CPQ: variants seen among roughly 807,000 people sequenced by gnomAD.
CPQ encodes carboxypeptidase Q.
CPQ carries 37 observed loss-of-function variants against 45.7 expected under a neutral mutation model. The observed-to-expected ratio is 0.81, with a 90% CI of 0.62 to 1.07. CPQ has a LOEUF of 1.07. Ranked by LOEUF, CPQ falls within the 50% of genes least tolerant of loss-of-function variation. The pLI is 0.00. For missense variants in CPQ, 537 were observed against 572.9 expected, an observed-to-expected ratio of 0.94 and a Z score of 0.64; for synonymous variants, 186 against 205.8, an observed-to-expected ratio of 0.90 and a Z score of 0.82.
At position 96,737,327 on chromosome 8, in the gene CPQ, T is replaced by TAC. The variant is rs1191687148; in HGVS notation, c.-34-47530_-34-47529dup. On this transcript the variant is annotated intron_variant, in intron 1 of 7. Transcript: ENST00000220763. ...CTAATAGGATATATATATATATATA[T>TAC]ACACACACTCACACAGAACTAATAG... Among the ~76,000 whole-genome samples the TAC allele has an allele frequency of 5.5e-4, 68 of 123,272 alleles. 1 individual carries two copies. The highest frequency in any genetic ancestry group is 1.2e-3 in the Admixed American group (13 of 11,200). The allele number at this position is 123,272 out of a possible 152,430, so 80.9% of individuals were successfully genotyped here. A position where few individuals can be genotyped will look rare whatever the true frequency, so the allele number is the denominator to read the frequency against.
At chr8:96,777,276 A>G (rs1810617023) in intron 1 of CPQ, among the ~76,000 whole-genome samples, 1 of 152,168 alleles carries the variant, frequency 6.6e-6, no homozygotes, top group African/African-American at 2.4e-5. Context: ...TACAGCAGCA[A>G]TAGGAAGGAA....
intron 6 of CPQ, among the ~76,000 whole-genome samples, chr8:97,031,189 T>C (rs111862794): frequency 4.0e-3 from 39 of 9,706 alleles, no homozygotes; most frequent in African/African-American, 0.021. Flanking sequence ...AGAACTATTC[T>C]TTTTTTTTTT....
intron 1 of CPQ, among the ~76,000 whole-genome samples, chr8:96,722,444 T>C (rs1809777726): frequency 1.3e-5 from 2 of 152,116 alleles, no homozygotes; most frequent in Admixed American, 1.3e-4. Context: ...ATATTATCTA[T>C]CTATGGCTGC....
chr8:96,714,462 A>G (rs907660152), intron 1 of CPQ, among the ~76,000 whole-genome samples: 1 of 152,118 alleles, frequency 6.6e-6, no homozygotes, highest in Non-Finnish European at 1.5e-5. Flanking sequence ...AATTCCCCAA[A>G]TGTGTCTTTA....
At position 97,143,040 on chromosome 8, in the gene CPQ, T is replaced by C; in HGVS notation, c.1276T>C (p.Leu426=). 1 of 1,613,918 alleles carries C rather than the reference T, an allele frequency of 6.2e-7. No individual in the cohort carries two copies. The highest frequency in any genetic ancestry group is 8.5e-7 in the Non-Finnish European group (1 of 1,179,840). The change falls in exon 8 of 8, where the codon TTA becomes CTA. Residue 426 remains leucine, a synonymous_variant. Transcript: ENST00000220763. ...CCCAGGAGCCAGTCTACTTGATGACTTATACAAGTATTTCTTCTTCCATCA... is the reference window on the plus strand; with the variant it reads ...CCCAGGAGCCAGTCTACTTGATGACCTATACAAGTATTTCTTCTTCCATCA... The part of the protein sequence containing the change: ...GVPGASLLDD[L]YKYFFFHHSH...
rs150967360 is a variant in CPQ at position 96,951,076 on chromosome 8, A to G, written c.850-14859A>G. ...TTGTTATAGAGTTAAAACAGATGAA[A>G]TAATGCTTCTTTGACAGACCATTTA... On this transcript the variant is annotated intron_variant, in intron 4 of 7. Coordinates refer to ENST00000220763, the MANE Select transcript of CPQ (RefSeq NM_016134.4). Among the ~76,000 whole-genome samples, 819 of 152,280 alleles carry G rather than the reference A, an allele frequency of 5.4e-3. 3 individuals carry two copies. The highest frequency in any genetic ancestry group is 8.2e-3 in the Non-Finnish European group (557 of 67,996).
intron 7 of CPQ, among the ~76,000 whole-genome samples, chr8:97,099,312 G>C (rs1811263886): frequency 6.6e-6 from 1 of 151,332 alleles, no homozygotes; most frequent in Non-Finnish European, 1.5e-5. Context: ...TGTATTTTTA[G>C]TAGAAACAGG....
chr8:96,878,267 G>C (rs1812174970), intron 3 of CPQ, among the ~76,000 whole-genome samples: 1 of 152,080 alleles, frequency 6.6e-6, no homozygotes, highest in African/African-American at 2.4e-5. Flanking sequence ...TGCCCGGCTT[G>C]CAGTCTACTT....
intron 7 of CPQ, among the ~76,000 whole-genome samples, chr8:97,134,463 G>A (rs774849040): frequency 3.3e-5 from 5 of 152,176 alleles, no homozygotes; most frequent in Admixed American, 1.3e-4. Context: ...AGTGTGGCCC[G>A]GCCACAGCGA....
intron 7 of CPQ, among the ~76,000 whole-genome samples, chr8:97,119,379 G>A (rs1276914562): frequency 6.7e-6 from 1 of 149,572 alleles, no homozygotes; most frequent in African/African-American, 2.5e-5. Context: ...ATTCTTTTAG[G>A]TTCTGTGTCA....
intron 1 of CPQ, among the ~76,000 whole-genome samples, chr8:96,723,314 T>C (rs1401382331): frequency 6.6e-6 from 1 of 152,154 alleles, no homozygotes; most frequent in Non-Finnish European, 1.5e-5. Context: ...ACAGTAATGG[T>C]TGAAATGGCC....
At chr8:97,123,048 A>AAAAT (rs1563587084) in intron 7 of CPQ, among the ~76,000 whole-genome samples, 6 of 58,250 alleles carry the variant, frequency 1.0e-4, no homozygotes, top group Middle Eastern at 0.011. Context: ...TAAAATAAAT[A>AAAAT]AAATAAAATA....
intron 7 of CPQ, among the ~76,000 whole-genome samples, chr8:97,089,243 C>CAA (rs61075671): frequency 0.071 from 8,705 of 122,108 alleles, 542 homozygotes; most frequent in African/African-American, 0.16. Flanking sequence ...AGCTCAGTCT[C>CAA]AAAAAAAAAA....
chr8:96,839,519 A>T (rs1224070181), intron 3 of CPQ, among the ~76,000 whole-genome samples: 1 of 152,218 alleles, frequency 6.6e-6, no homozygotes, highest in Non-Finnish European at 1.5e-5. Flanking sequence ...AATAAATGCA[A>T]TTAATTAGAG....
intron 1 of CPQ, among the ~76,000 whole-genome samples, chr8:96,707,466 A>AT (rs370728058): frequency 1.3e-4 from 20 of 150,556 alleles, no homozygotes; most frequent in African/African-American, 2.4e-4. Context: ...ACATTATGAG[A>AT]TTTTTTTTTT....
intron 1 of CPQ, among the ~76,000 whole-genome samples, chr8:96,754,125 A>G (rs1810298320): frequency 6.6e-6 from 1 of 151,984 alleles, no homozygotes. Flanking sequence ...CAGATTTGTT[A>G]TTTAGAATTT....
chr8:97,082,001 T>C (rs1464479474), intron 7 of CPQ, among the ~76,000 whole-genome samples: 1 of 152,188 alleles, frequency 6.6e-6, no homozygotes, highest in Non-Finnish European at 1.5e-5. Flanking sequence ...TAAGCCACTT[T>C]TATTATTTTA....
chr8:97,026,894 G>A (rs1401433030), intron 5 of CPQ, among the ~76,000 whole-genome samples: 1 of 152,172 alleles, frequency 6.6e-6, no homozygotes, highest in East Asian at 1.9e-4. Flanking sequence ...CGGATATTCA[G>A]AGCATTTGCT....
chr8:96,758,508 C>T (rs1490412148), intron 1 of CPQ, among the ~76,000 whole-genome samples: 1 of 152,124 alleles, frequency 6.6e-6, no homozygotes, highest in Non-Finnish European at 1.5e-5. Context: ...TGATCTTTGG[C>T]TTTCTGTACT....
Sources: gnomAD v4.1 joint callset for allele counts (sites outside exome capture counted in the v4.1 genomes callset) on GRCh38, gnomAD v4.1.1 for gene constraint, MANE v1.5 for transcripts, NCBI Gene and HGNC (gene_info 2026-07-23, HGNC 2026-07-21) for gene names.